Variants in MMP26 observed in about 807,000 individuals in gnomAD.
MMP26 encodes the protein matrix metallopeptidase 26.
MMP26 carries 33 observed loss-of-function variants against 31.0 expected under a neutral mutation model. The observed-to-expected ratio is 1.06, with a 90% CI of 0.81 to 1.42. The LOEUF (loss-of-function observed/expected upper bound fraction) is 1.42, where lower values mean the gene tolerates loss of function less well. MMP26 is among the 40% of genes most tolerant of loss of function. The pLI is 0.00. For missense variants in MMP26, 347 were observed against 316.1 expected (o/e 1.10, Z -0.74); for synonymous variants, 122 against 114.9 (o/e 1.06, Z -0.40).
intron 1 of MMP26, among the ~76,000 whole-genome samples, chr11:4,735,560 A>G (rs1564897676): frequency 6.6e-6 from 1 of 152,174 alleles, no homozygotes; most frequent in Non-Finnish European, 1.5e-5. Context: ...TCCTGTTGCC[A>G]GTATCTATAT....
intron 1 of MMP26, among the ~76,000 whole-genome samples, chr11:4,718,354 G>A (rs958757330): frequency 4.6e-5 from 7 of 152,112 alleles, no homozygotes; most frequent in Non-Finnish European, 8.8e-5. Context: ...TAAATAAGAC[G>A]GAATGCTGCT....
chr11:4,812,488 C>A (rs1288627706), intron 2 of MMP26, among the ~76,000 whole-genome samples: 1 of 151,424 alleles, frequency 6.6e-6, no homozygotes, highest in African/African-American at 2.4e-5. Flanking sequence ...TTGAGGGCTT[C>A]AATGATTCAA....
chr11:4,740,091 C>A lies in MMP26; in HGVS notation c.-216-27179C>A, dbSNP rs142525495. On this transcript the variant is annotated intron_variant, in intron 1 of 7. Coordinates refer to ENST00000380390, the MANE Select transcript of MMP26 (RefSeq NM_021801.5). ...CTTGTTCCATTAACTGCATATTTGA[C>A]GGAAGAGTATATTAACTAAAATAAA... is the stretch of plus-strand genomic sequence containing the variant. Among the ~76,000 whole-genome samples the A allele has an allele frequency of 2.5e-3, 383 of 150,730 alleles. 1 individual carries two copies. Among genetic ancestry groups the A allele is most frequent in the African/African-American group, 9.0e-3 (363 of 40,120 alleles).
At position 4,808,646 on chromosome 11, in the gene MMP26, CA is replaced by C. The variant is rs141031445; in HGVS notation, c.-145+41306del. Among the ~76,000 whole-genome samples, 705 of 152,190 alleles carry C rather than the reference CA, an allele frequency of 4.6e-3. 8 individuals carry two copies. The highest frequency in any genetic ancestry group is 0.016 in the African/African-American group (660 of 41,532). ...ACCAGTTTCTGTCTTCCCATTCACT[CA>C]TACTTCTGACTCCCCAGTAGGCTTT... On this transcript the variant is annotated intron_variant, in intron 2 of 7. Coordinates refer to ENST00000380390, the MANE Select transcript of MMP26 (RefSeq NM_021801.5).
intron 2 of MMP26, among the ~76,000 whole-genome samples, chr11:4,812,448 G>A (rs1265328284): frequency 2.0e-5 from 3 of 152,106 alleles, no homozygotes; most frequent in East Asian, 1.9e-4. Flanking sequence ...ACAGTAGAAC[G>A]CGTGGCCTGT....
At chr11:4,778,341 G>A (rs113245562) in intron 2 of MMP26, among the ~76,000 whole-genome samples, 31 of 152,002 alleles carry the variant, frequency 2.0e-4, no homozygotes, top group African/African-American at 4.3e-4. Context: ...TCATCATGTC[G>A]TTGATTTCCA....
In MMP26 at chr11:4,710,693, A is replaced by G. The variant is rs574154041; in HGVS notation, c.-217+5648A>G. ...AATGGTGAGTTATTTAAGGGCAGAG[A>G]TTATGTCGGTACTTCTGATCCTTTC... On this transcript the variant is annotated intron_variant, in intron 1 of 7. Coordinates refer to ENST00000380390, the MANE Select transcript of MMP26 (RefSeq NM_021801.5). 8.6e-5 allele frequency: 29 copies of G among 338,774 alleles called. 1 individual carries two copies. Among genetic ancestry groups the G allele is most frequent in the South Asian group, 6.6e-4 (28 of 42,148 alleles). The allele number at this position is 338,774 out of a possible 1,614,324, so 21.0% of individuals were successfully genotyped here.
intron 2 of MMP26, chr11:4,849,336 A>G: frequency 1.2e-6 from 1 of 852,094 alleles, no homozygotes; most frequent in South Asian, 1.7e-5. Flanking sequence ...TCATGCACTC[A>G]CATACACGTA....
chr11:4,952,955 G>A, intron 2 of MMP26, among the ~76,000 whole-genome samples: 1 of 124,124 alleles, frequency 8.1e-6, no homozygotes, highest in South Asian at 2.4e-4. Context: ...AGGATGAAGT[G>A]TAGGAGACTT....
At chr11:4,853,487 A>G (rs1314748836) in intron 2 of MMP26, among the ~76,000 whole-genome samples, 1 of 152,208 alleles carries the variant, frequency 6.6e-6, no homozygotes, top group Non-Finnish European at 1.5e-5. Context: ...AAGAGAAAAC[A>G]AAAGATGCAA....
chr11:4,729,904 A>G (rs993572238), intron 1 of MMP26, among the ~76,000 whole-genome samples: 1 of 152,012 alleles, frequency 6.6e-6, no homozygotes, highest in Non-Finnish European at 1.5e-5. Flanking sequence ...AAGTTAAGTA[A>G]TATCTGCACT....
At chr11:4,880,203 C>G (rs1413114028) in intron 2 of MMP26, among the ~76,000 whole-genome samples, 1 of 152,048 alleles carries the variant, frequency 6.6e-6, no homozygotes, top group South Asian at 2.1e-4. Context: ...GCCTATAAAG[C>G]CCTCGCTTTT....
chr11:4,879,819 A>C (rs1287988569), intron 2 of MMP26, among the ~76,000 whole-genome samples: 1 of 152,142 alleles, frequency 6.6e-6, no homozygotes, highest in Non-Finnish European at 1.5e-5. Context: ...CCAGGAGAGT[A>C]ATGAGACCTC....
At chr11:4,724,713 A>G (rs1376323650) in intron 1 of MMP26, among the ~76,000 whole-genome samples, 1 of 152,226 alleles carries the variant, frequency 6.6e-6, no homozygotes, top group African/African-American at 2.4e-5. Context: ...CAATAGAACA[A>G]CTTCGTTTAT....
At chr11:4,746,618 G>A (rs1340072766) in intron 1 of MMP26, among the ~76,000 whole-genome samples, 4 of 152,196 alleles carry the variant, frequency 2.6e-5, no homozygotes, top group South Asian at 2.1e-4. Flanking sequence ...GGTGGATCAC[G>A]AGGTCAGGAG....
In MMP26 at chr11:4,859,489, C is replaced by G. The variant is rs371634765; in HGVS notation, c.-145+92148C>G. 5 of 356,232 alleles carry G rather than the reference C, an allele frequency of 1.4e-5. 1 individual carries two copies. Among genetic ancestry groups the G allele is most frequent in the Admixed American group, 1.1e-4 (3 of 26,512 alleles). 22.1% of individuals were successfully genotyped at this position (356,232 alleles called of 1,614,324 possible). ...CCTGTTATGTATCTTCACCCACAAG[C>G]CTTACCCACTCCTGCATTTCCCCAG... On this transcript the variant is annotated intron_variant, in intron 2 of 7. Transcript: ENST00000380390.
intron 2 of MMP26, among the ~76,000 whole-genome samples, chr11:4,983,085 C>A (rs1270653632): frequency 2.0e-5 from 3 of 152,096 alleles, no homozygotes; most frequent in East Asian, 1.9e-4. Context: ...GTCTTAATAG[C>A]CTTTGCACAC....
intron 2 of MMP26, among the ~76,000 whole-genome samples, chr11:4,981,852 G>T (rs1846818106): frequency 1.3e-5 from 2 of 149,960 alleles, no homozygotes; most frequent in African/African-American, 2.5e-5. Context: ...CTTTTTGTTA[G>T]AAACTAATAC....
At chr11:4,938,086 A>G (rs1846154728) in intron 2 of MMP26, 1 of 152,208 alleles carries the variant, frequency 6.6e-6, no homozygotes, top group Admixed American at 6.5e-5. Flanking sequence ...TAGGTCAGAG[A>G]TGGAGAGCAT....
Sources: allele counts gnomAD v4.1 joint callset (sites outside exome capture counted in the v4.1 genomes callset), GRCh38; gene constraint gnomAD v4.1.1; transcripts MANE v1.5; gene names NCBI Gene and HGNC (gene_info 2026-07-23, HGNC 2026-07-21).